TNR: variants seen among roughly 807,000 people sequenced by gnomAD.
TNR encodes tenascin-R.
Under a neutral mutation model 150.4 loss-of-function variants are expected in TNR, and 45 were observed. The observed-to-expected ratio is 0.30, with a 90% CI of 0.24 to 0.38. The LOEUF is 0.38. TNR is among the 10% of genes least tolerant of loss of function. TNR has a pLI of 1.00. For missense variants in TNR, 1,544 were observed against 1,759.1 expected, an observed-to-expected ratio of 0.88 and a Z score of 2.19; for synonymous variants, 687 against 678.4, an observed-to-expected ratio of 1.01 and a Z score of -0.20.
chr1:175,720,063 C>T (rs1667258493), intron 1 of TNR, among the ~76,000 whole-genome samples: 1 of 152,202 alleles, frequency 6.6e-6, no homozygotes, highest in Non-Finnish European at 1.5e-5. Flanking sequence ...CTCATATCTT[C>T]ACTTACTGTT....
At chr1:175,390,609 T>C (rs1653126530) in intron 7 of TNR, among the ~76,000 whole-genome samples, 1 of 152,230 alleles carries the variant, frequency 6.6e-6, no homozygotes, top group Non-Finnish European at 1.5e-5. Context: ...GGAAATATAA[T>C]AATCTTGAAT....
chr1:175,681,616 T>G (rs1241294612), intron 1 of TNR, among the ~76,000 whole-genome samples: 1 of 152,182 alleles, frequency 6.6e-6, no homozygotes, highest in Non-Finnish European at 1.5e-5. Flanking sequence ...GGCTTGTGTT[T>G]TATTCTTCCT....
At chr1:175,489,353 T>C (rs1468834651) in intron 2 of TNR, among the ~76,000 whole-genome samples, 1 of 152,232 alleles carries the variant, frequency 6.6e-6, no homozygotes, top group Non-Finnish European at 1.5e-5. Context: ...AGATGGAGGT[T>C]AGATACGGTC....
At chr1:175,366,996 A>G (rs1285825527) in intron 10 of TNR, among the ~76,000 whole-genome samples, 4 of 152,200 alleles carry the variant, frequency 2.6e-5, no homozygotes, top group African/African-American at 9.7e-5. Flanking sequence ...GACCGAGCAC[A>G]GGTCTGTGGG....
intron 1 of TNR, among the ~76,000 whole-genome samples, chr1:175,634,385 A>G (rs1664428098): frequency 6.6e-6 from 1 of 152,158 alleles, no homozygotes; most frequent in Non-Finnish European, 1.5e-5. Flanking sequence ...TCACCTGTGG[A>G]TAACTCTGCC....
intron 2 of TNR, among the ~76,000 whole-genome samples, chr1:175,486,229 C>G (rs1160046269): frequency 1.3e-5 from 2 of 151,958 alleles, no homozygotes; most frequent in Admixed American, 1.3e-4. Context: ...CACCCATCAA[C>G]CCATCATCTA....
chr1:175,500,414 C>T (rs1355655569), intron 2 of TNR, among the ~76,000 whole-genome samples: 1 of 152,168 alleles, frequency 6.6e-6, no homozygotes, highest in Admixed American at 6.5e-5. Flanking sequence ...TGTCTCTGAC[C>T]TAGCTGCAGA....
chr1:175,420,136 G>C (rs1382564233), intron 2 of TNR, among the ~76,000 whole-genome samples: 1 of 152,124 alleles, frequency 6.6e-6, no homozygotes, highest in Non-Finnish European at 1.5e-5. Context: ...GGTTTTGGTA[G>C]CCTCTCACCC....
chr1:175,689,758 G>A (rs1462723590), intron 1 of TNR, among the ~76,000 whole-genome samples: 3 of 152,138 alleles, frequency 2.0e-5, no homozygotes, highest in Non-Finnish European at 4.4e-5. Context: ...GGCCAGACAG[G>A]GAGGGGTGAG....
chr1:175,501,143 A>G (rs1658717618), intron 2 of TNR, among the ~76,000 whole-genome samples: 1 of 152,216 alleles, frequency 6.6e-6, no homozygotes, highest in Non-Finnish European at 1.5e-5. Flanking sequence ...CGAGTTAATC[A>G]AAAGGGGCTC....
At chr1:175,709,941 C>G (rs1666957576) in intron 1 of TNR, among the ~76,000 whole-genome samples, 1 of 151,950 alleles carries the variant, frequency 6.6e-6, no homozygotes, top group African/African-American at 2.4e-5. Context: ...GAGGATGAGA[C>G]AGATGTGGGT....
chr1:175,399,919 G>A (rs978862463), intron 4 of TNR, among the ~76,000 whole-genome samples: 9 of 152,214 alleles, frequency 5.9e-5, no homozygotes, highest in Non-Finnish European at 1.2e-4. Flanking sequence ...AAGTGGTTTC[G>A]GGTGCCAAAG....
At chr1:175,567,263 A>G (rs1661681578) in intron 1 of TNR, among the ~76,000 whole-genome samples, 1 of 152,200 alleles carries the variant, frequency 6.6e-6, no homozygotes, top group South Asian at 2.1e-4. Flanking sequence ...ATGCATTGGA[A>G]AAGGAAAGGT....
rs899925964 is a variant in TNR at position 175,444,977 on chromosome 1, G to A, written c.-63-38200C>T. ...CATGGCAGAGTTAGTAAGGCAGTAAGAAGCCTGAGGCAGCCGGGCGCGGTG... is the reference window on the plus strand; with the variant it reads ...CATGGCAGAGTTAGTAAGGCAGTAAAAAGCCTGAGGCAGCCGGGCGCGGTG... On this transcript the variant is annotated intron_variant, in intron 2 of 22. Coordinates refer to ENST00000367674, the MANE Select transcript of TNR (RefSeq NM_003285.3). 9.2e-5 allele frequency among the ~76,000 whole-genome samples: 14 copies of A among 152,256 alleles called. No individual in the cohort carries two copies. The East Asian group carries it at 2.7e-3, about 29-fold the overall frequency.
intron 21 of TNR, among the ~76,000 whole-genome samples, chr1:175,326,551 A>T (rs1649407936): frequency 6.6e-6 from 1 of 152,014 alleles, no homozygotes; most frequent in Admixed American, 6.6e-5. Context: ...GTCTCCAGGG[A>T]CTCAGATTTT....
At chr1:175,327,771 G>A (rs554960663) in intron 21 of TNR, among the ~76,000 whole-genome samples, 13 of 152,156 alleles carry the variant, frequency 8.5e-5, no homozygotes, top group African/African-American at 1.9e-4. Flanking sequence ...TTATGATGCC[G>A]TCCTCCACCA....
chr1:175,601,258 C>A (rs1663224514), intron 1 of TNR, among the ~76,000 whole-genome samples: 1 of 152,232 alleles, frequency 6.6e-6, no homozygotes, highest in Non-Finnish European at 1.5e-5. Context: ...GGTCACTTGG[C>A]CAGTTCTTAC....
At chr1:175,465,498 A>G (rs1444400568) in intron 2 of TNR, among the ~76,000 whole-genome samples, 1 of 152,208 alleles carries the variant, frequency 6.6e-6, no homozygotes, top group Non-Finnish European at 1.5e-5. Context: ...TTTCAGAAGT[A>G]AGAAGATGCT....
chr1:175,634,378 C>T (rs1664427988), intron 1 of TNR, among the ~76,000 whole-genome samples: 1 of 152,204 alleles, frequency 6.6e-6, no homozygotes, highest in Non-Finnish European at 1.5e-5. Context: ...CTCTGTCTCA[C>T]CTGTGGATAA....
Sources: allele counts gnomAD v4.1 joint callset (sites outside exome capture counted in the v4.1 genomes callset), GRCh38; gene constraint gnomAD v4.1.1; transcripts MANE v1.5; gene names NCBI Gene and HGNC (gene_info 2026-07-23, HGNC 2026-07-21).